Variants in LPP observed in about 807,000 individuals in gnomAD.
LPP encodes lipoma-preferred partner.
LPP carries 38 observed loss-of-function variants against 60.4 expected under a neutral mutation model. The observed-to-expected ratio is 0.63, with a 90% CI of 0.49 to 0.83. The LOEUF is 0.83. Among genes scored for constraint, LPP ranks in the 40% least tolerant of loss-of-function variants. The pLI is 0.00. For synonymous variants in LPP, 328 were observed against 290.8 expected (o/e 1.13, Z -1.30); for missense variants, 902 against 783.6 (o/e 1.15, Z -1.80).
At chr3:188,851,595 T>A (rs1762694857) in intron 9 of LPP, among the ~76,000 whole-genome samples, 1 of 152,202 alleles carries the variant, frequency 6.6e-6, no homozygotes. Flanking sequence ...ACTGCATTAA[T>A]TCAACATGGC....
At chr3:188,296,103 C>G (rs1324954591) in intron 2 of LPP, among the ~76,000 whole-genome samples, 1 of 152,086 alleles carries the variant, frequency 6.6e-6, no homozygotes, top group East Asian at 1.9e-4. Flanking sequence ...TAAGCAAGAT[C>G]GTGAATATAA....
chr3:188,485,315 T>C (rs1047334113), intron 5 of LPP, among the ~76,000 whole-genome samples: 4 of 152,206 alleles, frequency 2.6e-5, no homozygotes, highest in Non-Finnish European at 5.9e-5. Flanking sequence ...GTTCTCAGAC[T>C]GTGATCATCG....
chr3:188,800,807 A>G (rs1188060667), intron 9 of LPP, among the ~76,000 whole-genome samples: 2 of 152,192 alleles, frequency 1.3e-5, no homozygotes, highest in Admixed American at 1.3e-4. Flanking sequence ...TGGATTTAGC[A>G]TCATTTTCTA....
intron 1 of LPP, among the ~76,000 whole-genome samples, chr3:188,202,213 G>A (rs1577256486): frequency 6.6e-6 from 1 of 152,186 alleles, no homozygotes; most frequent in African/African-American, 2.4e-5. Flanking sequence ...CTTTTTGAAT[G>A]AATGAATGCC....
At chr3:188,451,169 A>AT (rs1471942653) in intron 4 of LPP, among the ~76,000 whole-genome samples, 1 of 151,648 alleles carries the variant, frequency 6.6e-6, no homozygotes, top group East Asian at 1.9e-4. Context: ...ATGACTTTAT[A>AT]TTTTTTGCTA....
chr3:188,768,565 T>C (rs1734863264), intron 9 of LPP, among the ~76,000 whole-genome samples: 3 of 152,158 alleles, frequency 2.0e-5, no homozygotes, highest in Admixed American at 2.0e-4. Context: ...TTTAATAAAA[T>C]TTTTCATGCA....
chr3:188,490,951 C>T (rs774626387), intron 5 of LPP, among the ~76,000 whole-genome samples: 6 of 151,482 alleles, frequency 4.0e-5, no homozygotes, highest in Admixed American at 1.3e-4. Context: ...TTAGTAGAGA[C>T]GAGGTTTCAC....
At chr3:188,371,353 A>G (rs1773013995) in intron 3 of LPP, among the ~76,000 whole-genome samples, 1 of 151,626 alleles carries the variant, frequency 6.6e-6, no homozygotes, top group Non-Finnish European at 1.5e-5. Context: ...GGGGATACCA[A>G]AATGAATTAG....
chr3:188,328,952 A>G (rs1195807933), intron 2 of LPP, among the ~76,000 whole-genome samples: 1 of 152,170 alleles, frequency 6.6e-6, no homozygotes, highest in African/African-American at 2.4e-5. Context: ...TGTCCCGCTT[A>G]TTGTATGTGT....
chr3:188,634,387 A>G (rs1848350262), intron 7 of LPP, among the ~76,000 whole-genome samples: 1 of 152,234 alleles, frequency 6.6e-6, no homozygotes, highest in Non-Finnish European at 1.5e-5. Flanking sequence ...GAAGAAATAG[A>G]TGAAGAGAAT....
chr3:188,792,955 C>G (rs1197244583), intron 9 of LPP, among the ~76,000 whole-genome samples: 1 of 152,066 alleles, frequency 6.6e-6, no homozygotes, highest in Non-Finnish European at 1.5e-5. Flanking sequence ...GAGACAGAAT[C>G]TTGAAGCTTC....
intron 6 of LPP, among the ~76,000 whole-genome samples, chr3:188,557,800 T>C (rs1382194060): frequency 2.6e-5 from 4 of 152,098 alleles, no homozygotes; most frequent in African/African-American, 9.7e-5. Context: ...TGCATATGAA[T>C]GTTCTGGCGC....
rs781691969 is a variant in LPP, at chr3:188,760,106, T to G, written c.1241-7T>G. The G allele has an allele frequency of 7.4e-6, 12 of 1,613,546 alleles. No homozygotes were observed. Among genetic ancestry groups the G allele is most frequent in the Non-Finnish European group, 9.3e-6 (11 of 1,179,914 alleles). On this transcript the variant is annotated splice_polypyrimidine_tract_variant and splice_region_variant and intron_variant, in intron 8 of 11. Transcript: ENST00000617246. Reference sequence around the variant, plus strand: ...GGTGTGTTCTTATCAAACCCTTTTTTTTCCAGGCCGCTGTGCTCGCTGTGG... The same window carrying G: ...GGTGTGTTCTTATCAAACCCTTTTTGTTCCAGGCCGCTGTGCTCGCTGTGG...
chr3:188,823,475 G>A (rs1168488174), intron 9 of LPP, among the ~76,000 whole-genome samples: 1 of 152,056 alleles, frequency 6.6e-6, no homozygotes, highest in East Asian at 1.9e-4. Context: ...GCACAGACTT[G>A]GGGGGAGCAG....
intron 9 of LPP, among the ~76,000 whole-genome samples, chr3:188,863,796 G>A (rs73199038): frequency 0.1 from 15,310 of 152,024 alleles, 1,032 homozygotes; most frequent in Middle Eastern, 0.16. Flanking sequence ...TTTGAATGCA[G>A]CATCTGTAGA....
intron 2 of LPP, among the ~76,000 whole-genome samples, chr3:188,257,503 GAACTGACATGTAGTTTA>G (rs1426732357): frequency 6.6e-6 from 1 of 152,212 alleles, no homozygotes; most frequent in East Asian, 1.9e-4. Flanking sequence ...TGAGGGAAAG[GAACTGACATGTAGTTTA>G]AACAGACTGG....
At chr3:188,457,715 A>C (rs900449394) in intron 4 of LPP, among the ~76,000 whole-genome samples, 2 of 124,978 alleles carry the variant, frequency 1.6e-5, no homozygotes, top group African/African-American at 6.0e-5. Context: ...ACATGATGAA[A>C]CACTGTCTCT....
chr3:188,751,512 A>G (rs1372412895), intron 8 of LPP, among the ~76,000 whole-genome samples: 1 of 152,230 alleles, frequency 6.6e-6, no homozygotes, highest in Non-Finnish European at 1.5e-5. Flanking sequence ...CAAAAGAAAT[A>G]CTACTGTTTC....
At chr3:188,705,591 C>CTATA (rs751567376) in intron 7 of LPP, among the ~76,000 whole-genome samples, 31 of 150,910 alleles carry the variant, frequency 2.1e-4, no homozygotes, top group African/African-American at 7.3e-4. Flanking sequence ...ATATACTATG[C>CTATA]TATATATATA....
Sources: gnomAD v4.1 joint callset for allele counts (sites outside exome capture counted in the v4.1 genomes callset) on GRCh38, gnomAD v4.1.1 for gene constraint, MANE v1.5 for transcripts, NCBI Gene and HGNC (gene_info 2026-07-23, HGNC 2026-07-21) for gene names.